The following BCKDHB variants were observed in gnomAD, a reference collection of about 807,000 sequenced individuals.
BCKDHB encodes 2-oxoisovalerate dehydrogenase subunit beta, mitochondrial.
BCKDHB carries 41 observed loss-of-function variants against 48.5 expected under a neutral mutation model. That is an observed-to-expected ratio of 0.85 (90% CI 0.66 to 1.10). BCKDHB has a LOEUF of 1.10. Ranked by LOEUF, BCKDHB falls within the 50% of genes least tolerant of loss-of-function variation. The pLI is 0.00. For synonymous variants in BCKDHB, 201 were observed against 174.8 expected (o/e 1.15, Z -1.18); for missense variants, 496 against 494.2 (o/e 1.00, Z -0.03).
At chr6:80,250,325 C>T (rs1165192807) in intron 8 of BCKDHB, among the ~76,000 whole-genome samples, 1 of 152,106 alleles carries the variant, frequency 6.6e-6, no homozygotes, top group African/African-American at 2.4e-5. Flanking sequence ...TATATGACTC[C>T]TAGAATTGTG....
chr6:80,409,935 G>T, the BCKDHB span, among the ~76,000 whole-genome samples: 2 of 151,462 alleles, frequency 1.3e-5, no homozygotes, highest in African/African-American at 2.4e-5. Flanking sequence ...TTAATCCTAT[G>T]TGTGAATTTG....
chr6:80,279,701 G>T (rs1338161191), intron 9 of BCKDHB, among the ~76,000 whole-genome samples: 1 of 151,640 alleles, frequency 6.6e-6, no homozygotes, highest in African/African-American at 2.4e-5. Flanking sequence ...TGGCCTACTG[G>T]CTATTTCCTG....
intron 3 of BCKDHB, among the ~76,000 whole-genome samples, chr6:80,136,492 C>G (rs1770891433): frequency 6.6e-6 from 1 of 152,000 alleles, no homozygotes; most frequent in South Asian, 2.1e-4. Context: ...AAATGTAAAA[C>G]TATAAAACTC....
chr6:80,227,264 C>T (rs1347576152), intron 8 of BCKDHB, among the ~76,000 whole-genome samples: 1 of 152,144 alleles, frequency 6.6e-6, no homozygotes, highest in Non-Finnish European at 1.5e-5. Context: ...TTTATGTTGT[C>T]CCTGTAAGTT....
downstream of BCKDHB, among the ~76,000 whole-genome samples, chr6:80,350,804 T>C (rs1403221552): frequency 6.6e-6 from 1 of 152,200 alleles, no homozygotes; most frequent in Admixed American, 6.5e-5. Context: ...TATCTACTTA[T>C]TTATCATGGG....
the BCKDHB span, among the ~76,000 whole-genome samples, chr6:80,413,673 C>T: frequency 6.6e-6 from 1 of 152,172 alleles, no homozygotes; most frequent in African/African-American, 2.4e-5. Flanking sequence ...TGCATATATA[C>T]TACATTTTCT....
At chr6:80,172,064 A>G (rs1562107674) in intron 6 of BCKDHB, among the ~76,000 whole-genome samples, 2 of 152,126 alleles carry the variant, frequency 1.3e-5, no homozygotes, top group Non-Finnish European at 2.9e-5. Flanking sequence ...TCTGATTGCC[A>G]TCAGATTAGG....
At chr6:80,400,118 A>G in the BCKDHB span, among the ~76,000 whole-genome samples, 1 of 151,948 alleles carries the variant, frequency 6.6e-6, no homozygotes, top group Non-Finnish European at 1.5e-5. Context: ...AACCTAAAAC[A>G]ATAAAAACCC....
chr6:80,160,637 ATCTTT>A (rs1772265594), intron 3 of BCKDHB, among the ~76,000 whole-genome samples: 1 of 152,202 alleles, frequency 6.6e-6, no homozygotes, highest in African/African-American at 2.4e-5. Flanking sequence ...AATGGACAAT[ATCTTT>A]AACAGATGGT....
At chr6:80,136,914 A>G (rs1284322758) in intron 3 of BCKDHB, among the ~76,000 whole-genome samples, 2 of 152,184 alleles carry the variant, frequency 1.3e-5, no homozygotes, top group African/African-American at 4.8e-5. Context: ...CCAGTGGAAT[A>G]CCACTTCGTA....
chr6:80,360,597 G>A, the BCKDHB span, among the ~76,000 whole-genome samples: 1 of 152,084 alleles, frequency 6.6e-6, no homozygotes, highest in South Asian at 2.1e-4. Flanking sequence ...TTTTTTATTA[G>A]AAGAAATCGA....
intron 8 of BCKDHB, among the ~76,000 whole-genome samples, chr6:80,252,549 C>G (rs984435076): frequency 1.3e-5 from 2 of 151,976 alleles, no homozygotes; most frequent in African/African-American, 4.8e-5. Flanking sequence ...TAATAAAATG[C>G]TGAGAAAAAC....
chr6:80,388,244 A>C, the BCKDHB span, among the ~76,000 whole-genome samples: 9,680 of 152,250 alleles, frequency 0.064, 454 homozygotes, highest in South Asian at 0.19. Context: ...CTTCTCTGCC[A>C]CTTGGGCCAT....
intron 9 of BCKDHB, among the ~76,000 whole-genome samples, chr6:80,299,247 C>T (rs909596436): frequency 5.3e-5 from 8 of 152,098 alleles, no homozygotes; most frequent in African/African-American, 1.9e-4. Context: ...CATTCTTTAC[C>T]CAGGCAAATG....
chr6:80,281,372 C>A (rs1425770650), intron 9 of BCKDHB, among the ~76,000 whole-genome samples: 2 of 152,142 alleles, frequency 1.3e-5, no homozygotes, highest in African/African-American at 4.8e-5. Context: ...TTACATGAGA[C>A]AAGTGCAGAA....
the BCKDHB span, among the ~76,000 whole-genome samples, chr6:80,408,473 A>G: frequency 1.3e-5 from 2 of 152,034 alleles, no homozygotes; most frequent in African/African-American, 4.8e-5. Context: ...TCGGCTGTGA[A>G]TCTATCTGGT....
chr6:80,384,772 ATATCT>A, the BCKDHB span, among the ~76,000 whole-genome samples: 3 of 152,126 alleles, frequency 2.0e-5, no homozygotes, highest in Non-Finnish European at 4.4e-5. Context: ...CTCTTTATAT[ATATCT>A]TATTAGTTCT....
At chr6:80,108,727 G>A (rs988357869) in intron 1 of BCKDHB, among the ~76,000 whole-genome samples, 2 of 152,058 alleles carry the variant, frequency 1.3e-5, no homozygotes, top group Non-Finnish European at 2.9e-5. Flanking sequence ...GGGCGTGGCA[G>A]CGCATGCCTG....
At chr6:80,426,584 G>T in the BCKDHB span, among the ~76,000 whole-genome samples, 1 of 151,866 alleles carries the variant, frequency 6.6e-6, no homozygotes. Context: ...TTGACCCATG[G>T]GTTATTTGGA....
Sources: allele counts gnomAD v4.1 joint callset (sites outside exome capture counted in the v4.1 genomes callset), GRCh38; gene constraint gnomAD v4.1.1; transcripts MANE v1.5; gene names NCBI Gene and HGNC (gene_info 2026-07-23, HGNC 2026-07-21).